TUBGCP4: variants seen among roughly 807,000 people sequenced by gnomAD.
TUBGCP4 encodes the protein gamma-tubulin complex component 4.
TUBGCP4 carries 54 observed loss-of-function variants against 91.6 expected under a neutral mutation model. That is an observed-to-expected ratio of 0.59 (90% CI 0.47 to 0.74). The LOEUF is 0.74. Ranked by LOEUF, TUBGCP4 falls within the 30% of genes least tolerant of loss-of-function variation. The probability of loss-of-function intolerance (pLI) is 0.00; values close to 1 mark genes in which losing one functional copy is unlikely to be tolerated. For missense variants in TUBGCP4, 593 were observed against 800.9 expected, an observed-to-expected ratio of 0.74 and a Z score of 3.13; for synonymous variants, 297 against 302.8, an observed-to-expected ratio of 0.98 and a Z score of 0.20.
intron 15 of TUBGCP4, 41 bp downstream of exon 15, chr15:43,401,891 C>T (rs373073937): frequency 3.7e-6 from 6 of 1,608,440 alleles, no homozygotes; most frequent in African/African-American, 1.3e-5. Context: ...GCTTCTACCA[C>T]TGACCATTCC....
Position 43,385,973 on chromosome 15 carries a change from C to T in TUBGCP4, c.889+17C>T. 1 of 1,612,666 alleles carries T rather than the reference C, an allele frequency of 6.2e-7. No individual in the cohort carries two copies. Among genetic ancestry groups the T allele is most frequent in the Admixed American group, 1.7e-5 (1 of 59,938 alleles). ...CTAGAAAAGGTAGAAATCTCCTTGTCCAATGTACCACACCCTCAAAATCTC... is the reference window on the plus strand; with the variant it reads ...CTAGAAAAGGTAGAAATCTCCTTGTTCAATGTACCACACCCTCAAAATCTC... On this transcript the variant is annotated intron_variant, in intron 8 of 17. Transcript: ENST00000564079.
rs1246777789 is a variant in TUBGCP4, at chr15:43,383,370, T to C, written c.589T>C (p.Leu197=). 4 of 1,614,198 alleles carry C rather than the reference T, an allele frequency of 2.5e-6. No individual in the cohort carries two copies. In the South Asian group the frequency reaches 4.4e-5, roughly 18 times the overall value. The change falls in exon 7 of 18, where the codon TTG becomes CTG. Residue 197 remains leucine (L), a synonymous_variant. Transcript: ENST00000564079. ...LSAWMLHGLL[L]DQHEEFFIKQ... ...AGCCTGGATGCTCCATGGACTCCTC[T>C]TGGACCAGCATGAAGAATTCTTTAT...
chr15:43,399,940 T>C, intron 13 of TUBGCP4, 104 bp from the exon 14 acceptor site: 1 of 712,766 alleles, frequency 1.4e-6, no homozygotes, highest in Non-Finnish European at 2.2e-6. Context: ...CCTTACTGCC[T>C]GTTTGTGAGA....
intron 15 of TUBGCP4, chr15:43,402,768 A>G (rs967482546): frequency 6.6e-6 from 1 of 152,244 alleles, no homozygotes; most frequent in Non-Finnish European, 1.5e-5. Context: ...ATTCCAGGAT[A>G]AAGAACAGGA....
intron 9 of TUBGCP4, among the ~76,000 whole-genome samples, chr15:43,387,061 G>A (rs1055847323): frequency 1.3e-5 from 2 of 152,216 alleles, no homozygotes; most frequent in African/African-American, 4.8e-5. Context: ...GTGTCTTGTA[G>A]TTTAGTATGG....
Position 43,402,099 on chromosome 15 carries a change from C to T in TUBGCP4, c.1731+249C>T, listed in dbSNP as rs538580717. ...CAGCCTGGCCAACATGGTGAAAACC[C>T]GTCTCTACTAAAAATACAGAAGAAA... On this transcript the variant is annotated intron_variant, in intron 15 of 17. Coordinates refer to ENST00000564079, the MANE Select transcript of TUBGCP4 (RefSeq NM_014444.5). The T allele has an allele frequency of 1.4e-4, 45 of 321,360 alleles. 1 individual carries two copies. Among genetic ancestry groups the T allele is most frequent in the East Asian group, 1.1e-3 (17 of 14,904 alleles). 19.9% of individuals were successfully genotyped at this position (321,360 alleles called of 1,614,324 possible).
At chr15:43,395,210 G>GC in intron 10 of TUBGCP4, 53 bp downstream of exon 10, 1 of 1,594,952 alleles carries the variant, frequency 6.3e-7, no homozygotes, top group Non-Finnish European at 8.6e-7. Flanking sequence ...GCAGTGACTT[G>GC]CATTCTCTGA....
chr15:43,400,323 G>T, intron 14 of TUBGCP4, 102 bp downstream of exon 14: 2 of 938,208 alleles, frequency 2.1e-6, no homozygotes, highest in South Asian at 2.3e-5. Flanking sequence ...TTGATAAAAT[G>T]GTGGGGTTTG....
rs1390868465 is a variant in TUBGCP4, at chr15:43,406,748, C to G, written c.*1534C>G. The stretch of plus-strand genomic sequence containing the variant: ...CTTTGACTAGAACGTGTAACATTTC[C>G]AGGTGTTCTCACTTGTGCTTCCCAT... On this transcript the variant is annotated 3_prime_UTR_variant, in exon 18 of 18. Transcript: ENST00000564079. 2.6e-6 allele frequency: 1 copy of G among 385,734 alleles called. No homozygotes were observed. Among genetic ancestry groups the G allele is most frequent in the South Asian group, 2.0e-5 (1 of 49,996 alleles). 23.9% of individuals were successfully genotyped at this position (385,734 alleles called of 1,614,324 possible).
chr15:43,394,875 C>G (rs965566377), intron 9 of TUBGCP4: 1 of 517,872 alleles, frequency 1.9e-6, no homozygotes, highest in Admixed American at 3.4e-5. Context: ...TCCTGTGCAG[C>G]CTGCAGAACT....
At chr15:43,380,454 A>G (rs1377246123) in intron 6 of TUBGCP4, among the ~76,000 whole-genome samples, 1 of 152,246 alleles carries the variant, frequency 6.6e-6, no homozygotes, top group Non-Finnish European at 1.5e-5. Context: ...ATTCCATTAC[A>G]TGTGCCAGAT....
At chr15:43,397,670 G>C (rs1043364193) in intron 12 of TUBGCP4, among the ~76,000 whole-genome samples, 1 of 152,010 alleles carries the variant, frequency 6.6e-6, no homozygotes, top group African/African-American at 2.4e-5. Flanking sequence ...CCCCTTCTTA[G>C]TGTCCCCTGT....
At chr15:43,388,266 A>G (rs1044636828) in intron 9 of TUBGCP4, among the ~76,000 whole-genome samples, 5 of 152,224 alleles carry the variant, frequency 3.3e-5, no homozygotes, top group African/African-American at 1.2e-4. Flanking sequence ...AACTGCTAAG[A>G]GCATCAAATC....
chr15:43,396,712 C>T (rs540798301), intron 11 of TUBGCP4, among the ~76,000 whole-genome samples: 7 of 152,274 alleles, frequency 4.6e-5, no homozygotes, highest in African/African-American at 1.7e-4. Context: ...GACTTGGTCT[C>T]TTTCCATCTT....
chr15:43,392,998 C>T (rs191341951), intron 9 of TUBGCP4, among the ~76,000 whole-genome samples: 1 of 152,290 alleles, frequency 6.6e-6, no homozygotes, highest in Non-Finnish European at 1.5e-5. Flanking sequence ...GGTTAGTCTG[C>T]ACTTTCTAGA....
At chr15:43,397,394 C>G (rs2044599531) in intron 12 of TUBGCP4, 73 bp downstream of exon 12, 1 of 1,084,114 alleles carries the variant, frequency 9.2e-7, no homozygotes, top group African/African-American at 1.5e-5. Context: ...GCTTCCATCC[C>G]CCGCCACAGA....
At chr15:43,404,152 C>T (rs2044775974) in intron 16 of TUBGCP4, 5 of 535,292 alleles carry the variant, frequency 9.3e-6, no homozygotes, top group Admixed American at 3.2e-5. Flanking sequence ...TCCCCAACCC[C>T]AGTACTTGAC....
intron 12 of TUBGCP4, among the ~76,000 whole-genome samples, 184 bp downstream of exon 12, chr15:43,397,505 C>T (rs1047678799): frequency 6.6e-6 from 1 of 152,010 alleles, no homozygotes; most frequent in Non-Finnish European, 1.5e-5. Context: ...AAGTGAGATG[C>T]CCAGGCCATG....
At chr15:43,388,994 C>G (rs2044425634) in intron 9 of TUBGCP4, among the ~76,000 whole-genome samples, 1 of 152,116 alleles carries the variant, frequency 6.6e-6, no homozygotes, top group African/African-American at 2.4e-5. Flanking sequence ...CGCTAGAGGT[C>G]AGGACTATAT....
Sources: gnomAD v4.1 joint callset for allele counts (sites outside exome capture counted in the v4.1 genomes callset) on GRCh38, gnomAD v4.1.1 for gene constraint, MANE v1.5 for transcripts, NCBI Gene and HGNC (gene_info 2026-07-23, HGNC 2026-07-21) for gene names.